Variants in PDE2A observed in about 807,000 individuals in gnomAD.
PDE2A encodes the protein cGMP-dependent 3',5'-cyclic phosphodiesterase.
A neutral mutation model predicts 133.6 loss-of-function variants in PDE2A; 53 were observed. That is an observed-to-expected ratio of 0.40 (90% CI 0.32 to 0.50). The LOEUF (loss-of-function observed/expected upper bound fraction) is 0.50. Ranked by LOEUF, PDE2A falls within the 20% of genes least tolerant of loss-of-function variation. The pLI, the probability that PDE2A is intolerant of heterozygous loss-of-function variation, is 0.73. For missense variants in PDE2A, 796 were observed against 1,232.4 expected, an observed-to-expected ratio of 0.65 and a Z score of 5.30; for synonymous variants, 491 against 490.2, an observed-to-expected ratio of 1.00 and a Z score of -0.02.
At chr11:72,583,642 C>T (rs1412082215) in intron 19 of PDE2A, 127 bp from the exon 20 acceptor site, 2 of 697,304 alleles carry the variant, frequency 2.9e-6, no homozygotes, top group African/African-American at 1.8e-5. Context: ...CAGTCAAAAC[C>T]TTCAAGCTCC....
intron 4 of PDE2A, among the ~76,000 whole-genome samples, chr11:72,599,825 G>A (rs767648124): frequency 6.6e-6 from 1 of 152,206 alleles, no homozygotes; most frequent in African/African-American, 2.4e-5. Context: ...CCAAGAACAC[G>A]CAGAGATCAA....
At chr11:72,636,146 G>A (rs1238278300) in intron 2 of PDE2A, 3 of 1,164,858 alleles carry the variant, frequency 2.6e-6, no homozygotes, top group African/African-American at 1.6e-5. Flanking sequence ...CTCTGCAGAG[G>A]AGGGGCCCTG....
intron 2 of PDE2A, among the ~76,000 whole-genome samples, chr11:72,639,849 G>C (rs1266612867): frequency 6.6e-6 from 1 of 152,120 alleles, no homozygotes; most frequent in Non-Finnish European, 1.5e-5. Flanking sequence ...ATCAGGAGGG[G>C]AGCAAGAACA....
chr11:72,656,879 A>G (rs1854914213), intron 1 of PDE2A, among the ~76,000 whole-genome samples: 1 of 152,076 alleles, frequency 6.6e-6, no homozygotes, highest in Non-Finnish European at 1.5e-5. Flanking sequence ...TTTAAAAATC[A>G]AAGAAGCAAC....
intron 2 of PDE2A, among the ~76,000 whole-genome samples, chr11:72,610,337 G>C (rs1857150729): frequency 6.6e-6 from 1 of 152,186 alleles, no homozygotes; most frequent in Non-Finnish European, 1.5e-5. Flanking sequence ...CAGGTCACCA[G>C]GAGAGAGGGA....
At chr11:72,671,145 GC>G (rs2078972365) in intron 1 of PDE2A, among the ~76,000 whole-genome samples, 1 of 152,060 alleles carries the variant, frequency 6.6e-6, no homozygotes, top group South Asian at 2.1e-4. Flanking sequence ...CTTGCTGTGG[GC>G]CCCCCACCTC....
intron 1 of PDE2A, among the ~76,000 whole-genome samples, chr11:72,651,026 A>T (rs1401629881): frequency 1.3e-5 from 2 of 152,162 alleles, no homozygotes; most frequent in African/African-American, 2.4e-5. Flanking sequence ...ACTCCCTGCT[A>T]ACTCAGAAAC....
At chr11:72,671,408 G>C (rs1305364354) in intron 1 of PDE2A, among the ~76,000 whole-genome samples, 1 of 152,186 alleles carries the variant, frequency 6.6e-6, no homozygotes, top group Non-Finnish European at 1.5e-5. Context: ...CGCAGGCCTG[G>C]CCTGACAGCA....
chr11:72,616,755 G>T (rs567085004), intron 2 of PDE2A, among the ~76,000 whole-genome samples: 1 of 152,172 alleles, frequency 6.6e-6, no homozygotes, highest in African/African-American at 2.4e-5. Context: ...TCATCTCCAC[G>T]TGCAGACCGG....
At chr11:72,641,663 A>C (rs920123761) in intron 2 of PDE2A, among the ~76,000 whole-genome samples, 13 of 152,064 alleles carry the variant, frequency 8.5e-5, no homozygotes, top group Non-Finnish European at 1.9e-4. Context: ...GGAGGGAGGG[A>C]AGGGATCGGG....
At chr11:72,580,030 A>G (rs1855649396) in intron 25 of PDE2A, 1 of 203,760 alleles carries the variant, frequency 4.9e-6, no homozygotes, top group Admixed American at 5.2e-5. Flanking sequence ...GGAGCAGCTT[A>G]TCTCAGGGGG....
chr11:72,626,214 G>A (rs930843069), intron 2 of PDE2A, among the ~76,000 whole-genome samples: 5 of 152,230 alleles, frequency 3.3e-5, no homozygotes, highest in Non-Finnish European at 4.4e-5. Flanking sequence ...CAGGACCTGC[G>A]ATGCCCATCT....
intron 1 of PDE2A, among the ~76,000 whole-genome samples, chr11:72,660,190 A>C (rs1855012281): frequency 6.6e-6 from 1 of 152,234 alleles, no homozygotes; most frequent in African/African-American, 2.4e-5. Context: ...TATACACTTT[A>C]AATTGGTGAT....
chr11:72,578,138 C>A lies in PDE2A; in HGVS notation c.2615+95G>T. 1 of 823,198 alleles carries A rather than the reference C, an allele frequency of 1.2e-6. No homozygotes were observed. 51.0% of individuals were successfully genotyped at this position (823,198 alleles called of 1,614,324 possible). Reference sequence around the variant, plus strand: ...AGGGGATGAATCAGTTGGACCTGGGCCAGGCCAATCTCAGCACCTGTGTTT... The same window carrying A: ...AGGGGATGAATCAGTTGGACCTGGGACAGGCCAATCTCAGCACCTGTGTTT... On this transcript the variant is annotated intron_variant, in intron 30 of 30. Transcript: ENST00000334456. This position sits in a 1 kb window ranked among gnomAD's most constrained non-coding sequence, Gnocchi z 4.2.
chr11:72,636,130 T>G, intron 2 of PDE2A: 1 of 1,202,662 alleles, frequency 8.3e-7, no homozygotes, highest in South Asian at 1.4e-5. Context: ...CCAGCCAGAG[T>G]ACAGGCTCTG....
At chr11:72,646,281 A>G (rs752672467) in intron 1 of PDE2A, among the ~76,000 whole-genome samples, 1 of 152,238 alleles carries the variant, frequency 6.6e-6, no homozygotes. Flanking sequence ...TCTAGGAACC[A>G]GCCCTGCCTT....
chr11:72,622,342 C>T (rs1292483013), intron 2 of PDE2A, among the ~76,000 whole-genome samples: 2 of 152,266 alleles, frequency 1.3e-5, no homozygotes, highest in East Asian at 1.9e-4. Context: ...ATCCAGCAAG[C>T]GTACTTCTAG....
intron 23 of PDE2A, 53 bp from the exon 24 acceptor site, chr11:72,581,026 C>T: frequency 3.3e-6 from 4 of 1,227,690 alleles, no homozygotes; most frequent in Non-Finnish European, 4.8e-6. Context: ...CAGTTCCCTC[C>T]CTAAATCCCC....
At chr11:72,657,482 C>G (rs1011806432) in intron 1 of PDE2A, among the ~76,000 whole-genome samples, 1 of 152,210 alleles carries the variant, frequency 6.6e-6, no homozygotes, top group Non-Finnish European at 1.5e-5. Flanking sequence ...GCCCCTCCCA[C>G]TCCTCCATCT....
Sources: gnomAD v4.1 joint callset for allele counts (sites outside exome capture counted in the v4.1 genomes callset) on GRCh38, gnomAD v4.1.1 for gene constraint, Gnocchi (gnomAD v3.1) non-coding constraint, MANE v1.5 for transcripts, NCBI Gene and HGNC (gene_info 2026-07-23, HGNC 2026-07-21) for gene names.